NPAT: variants seen among roughly 807,000 people sequenced by gnomAD.
NPAT encodes the protein nuclear protein, coactivator of histone transcription.
A neutral mutation model predicts 130.7 loss-of-function variants in NPAT; 52 were observed. The ratio of observed to expected loss-of-function variants is 0.40; its 90% CI spans 0.32 to 0.50. The LOEUF is 0.50. Ranked by LOEUF, NPAT falls within the 20% of genes least tolerant of loss-of-function variation. The pLI is 0.68. For missense variants in NPAT, 1,687 were observed against 1,662.6 expected, an observed-to-expected ratio of 1.01 and a Z score of -0.26; for synonymous variants, 580 against 584.8, an observed-to-expected ratio of 0.99 and a Z score of 0.12.
intron 1 of NPAT, among the ~76,000 whole-genome samples, chr11:108,198,512 C>G (rs200909444): frequency 6.6e-6 from 1 of 151,708 alleles, no homozygotes; most frequent in South Asian, 2.1e-4. Flanking sequence ...CCCAAGCAGA[C>G]GGGTAGGGTA....
rs1016995375 is a variant in NPAT at position 108,199,068 on chromosome 11, G to A, written c.38-1648C>T. Among the ~76,000 whole-genome samples the A allele has an allele frequency of 9.2e-5, 14 of 152,222 alleles. 1 individual carries two copies. The highest frequency in any genetic ancestry group is 3.9e-4 in the Admixed American group (6 of 15,290). On this transcript the variant is annotated intron_variant, in intron 1 of 17. Transcript: ENST00000278612. Reference sequence around the variant, plus strand: ...GCAGGGTAGAGGGACGGAATGAGCTGTAACACAAACGAGCTGAAACATGCG... The same window carrying A: ...GCAGGGTAGAGGGACGGAATGAGCTATAACACAAACGAGCTGAAACATGCG...
rs753044103 is a variant in NPAT, at chr11:108,192,188, T to A, written c.220A>T (p.Thr74Ser). 19 of 1,596,286 alleles carry A rather than the reference T, an allele frequency of 1.2e-5. No individual in the cohort carries two copies. The highest frequency in any genetic ancestry group is 2.2e-5 in the South Asian group (2 of 90,708). Reference protein sequence around the residue: ...NEYVAMKTKETSNNVPAIMSS... With the variant: ...NEYVAMKTKESSNNVPAIMSS... ...ATTATTGCTGGGACATTATTTGATG[T>A]TTCTAAATCATAGGAGAAAAGGTTC... The change falls in exon 4 of 18, where the codon ACA becomes TCA. Residue 74 changes from threonine to serine, a missense_variant and splice_region_variant. By Grantham distance (58) the Thr-to-Ser change is moderately conservative. Transcript: ENST00000278612.
intron 1 of NPAT, among the ~76,000 whole-genome samples, chr11:108,211,971 A>C (rs1278787317): frequency 6.6e-6 from 1 of 152,126 alleles, no homozygotes; most frequent in African/African-American, 2.4e-5. Flanking sequence ...AAAACAAAAC[A>C]AAACTCTACC....
intron 1 of NPAT, chr11:108,208,351 G>C: frequency 2.6e-6 from 1 of 378,110 alleles, no homozygotes; most frequent in South Asian, 1.8e-5. Flanking sequence ...TCACTTTGGG[G>C]AGGCTGAGGT....
In NPAT at chr11:108,172,060, GCAGCGTAAT is replaced by G. The variant is rs2077956458; in HGVS notation, c.2785+130_2785+138del. The G allele has an allele frequency of 6.8e-6, 5 of 735,994 alleles. No homozygotes were observed. In the East Asian group the frequency reaches 1.3e-4, roughly 19 times the overall value. The allele number at this position is 735,994 out of a possible 1,614,324, so 45.6% of individuals were successfully genotyped here. A position where few individuals can be genotyped will look rare whatever the true frequency, so the allele number is the denominator to read the frequency against. On this transcript the variant is annotated intron_variant, in intron 13 of 17. Transcript: ENST00000278612. ...GGTTTGAATTAGCTAGCATAAAGAA[GCAGCGTAAT>G]CACAAATTTCAGAATCTTTTCTCAT...
At chr11:108,204,566 C>A (rs2078308060) in intron 1 of NPAT, among the ~76,000 whole-genome samples, 1 of 152,014 alleles carries the variant, frequency 6.6e-6, no homozygotes, top group African/African-American at 2.4e-5. Flanking sequence ...ACCTGCCGAA[C>A]CTGCAGAACC....
intron 10 of NPAT, among the ~76,000 whole-genome samples, chr11:108,180,158 C>T (rs1185676089): frequency 5.3e-5 from 8 of 152,058 alleles, no homozygotes; most frequent in African/African-American, 1.9e-4. Flanking sequence ...AAAACCCTGT[C>T]TCTGTGAAAA....
chr11:108,162,541 C>T (rs1421654476), intron 15 of NPAT, among the ~76,000 whole-genome samples: 1 of 152,014 alleles, frequency 6.6e-6, no homozygotes, highest in Non-Finnish European at 1.5e-5. Context: ...AGCAATTCTC[C>T]TGCCTCAGCC....
At chr11:108,167,815 G>A (rs1208059706) in intron 15 of NPAT, among the ~76,000 whole-genome samples, 1 of 152,158 alleles carries the variant, frequency 6.6e-6, no homozygotes, top group Non-Finnish European at 1.5e-5. Flanking sequence ...ATAAAAACAA[G>A]TGTCAGACTG....
chr11:108,197,222 T>C, intron 2 of NPAT, 80 bp downstream of exon 2: 1 of 1,048,452 alleles, frequency 9.5e-7, no homozygotes, highest in East Asian at 2.4e-5. Flanking sequence ...AATTTTTTTT[T>C]TCTGATAAGC....
chr11:108,162,039 T>C, intron 16 of NPAT, 25 bp from the exon 17 acceptor site: 3 of 1,610,290 alleles, frequency 1.9e-6, no homozygotes, highest in African/African-American at 1.3e-5. Flanking sequence ...AACAAAACTA[T>C]TTCTAGCAGC....
intron 10 of NPAT, among the ~76,000 whole-genome samples, chr11:108,180,365 A>G (rs1446821997): frequency 6.6e-6 from 1 of 152,222 alleles, no homozygotes; most frequent in Non-Finnish European, 1.5e-5. Flanking sequence ...AAGAATTCCT[A>G]TAACTCAACA....
chr11:108,219,692 T>C (rs1336401081), intron 1 of NPAT, among the ~76,000 whole-genome samples: 1 of 151,938 alleles, frequency 6.6e-6, no homozygotes, highest in Non-Finnish European at 1.5e-5. Context: ...TGCAGAAAAA[T>C]GTCAATATAG....
chr11:108,206,809 C>A (rs148753515), intron 1 of NPAT, among the ~76,000 whole-genome samples: 1 of 152,294 alleles, frequency 6.6e-6, no homozygotes, highest in Admixed American at 6.5e-5. Context: ...GTGCTCAAGG[C>A]GGAGAGGAGC....
At chr11:108,214,701 C>T (rs1018555904) in intron 1 of NPAT, among the ~76,000 whole-genome samples, 10 of 149,790 alleles carry the variant, frequency 6.7e-5, no homozygotes, top group East Asian at 2.0e-4. Context: ...GATGCAATCT[C>T]GGCTCACTGC....
chr11:108,211,379 CA>C (rs1216908625), intron 1 of NPAT, among the ~76,000 whole-genome samples: 2 of 151,684 alleles, frequency 1.3e-5, no homozygotes, highest in Non-Finnish European at 1.5e-5. Flanking sequence ...GCCATCTCTA[CA>C]AAAAATACAA....
rs984099109 is a variant in NPAT at position 108,194,016 on chromosome 11, G to A, written c.158C>T (p.Ser53Phe). 3.4e-6 allele frequency: 5 copies of A among 1,482,084 alleles called. No individual in the cohort carries two copies. Among genetic ancestry groups the A allele is most frequent in the Non-Finnish European group, 4.7e-6 (5 of 1,062,280 alleles). The allele number at this position is 1,482,084 out of a possible 1,614,324, so 91.8% of individuals were successfully genotyped here. ...TGTTGTCAAGTTTTTTCCAAATAAG[G>A]ACTGAAAAGAAAAAGATCAAATATT... ...DEGFIPACLLSLFGKNLTTIL... is the reference protein window; with the variant it reads ...DEGFIPACLLFLFGKNLTTIL... Residue 53 changes from serine to phenylalanine, a missense_variant and splice_region_variant, in exon 3 of 18, where the codon TCC becomes TTC. By Grantham distance (155) the Ser-to-Phe change is radical. This residue lies in a region of NPAT where 307 missense variants were observed against 298.9 expected (regional missense o/e 1.03). Coordinates refer to ENST00000278612, the MANE Select transcript of NPAT (RefSeq NM_002519.3).
At chr11:108,187,967 G>C in intron 7 of NPAT, 131 bp downstream of exon 7, 5 of 706,636 alleles carry the variant, frequency 7.1e-6, no homozygotes, top group Non-Finnish European at 1.2e-5. Flanking sequence ...ATGTATTTTG[G>C]AATAGTTCTA....
In NPAT at chr11:108,161,975, C is replaced by G; in HGVS notation, c.3111G>C (p.Gly1037=). 6.2e-7 allele frequency: 1 copy of G among 1,603,086 alleles called. No homozygotes were observed. The highest frequency in any genetic ancestry group is 8.5e-7 in the Non-Finnish European group (1 of 1,175,714). ...VSDKSIATDL[G]KKSEETTVPF... ...GAACTGTGGTTTCTTCTGATTTTTT[C>G]CCAAGATCTGTGGCAATACTTTTGT... The change falls in exon 17 of 18, where the codon GGG becomes GGC. Residue 1037 remains glycine, a synonymous_variant. Coordinates refer to ENST00000278612, the MANE Select transcript of NPAT (RefSeq NM_002519.3).
Sources: allele counts gnomAD v4.1 joint callset (sites outside exome capture counted in the v4.1 genomes callset), GRCh38; gene constraint gnomAD v4.1.1; regional missense constraint gnomAD v4.1.1; transcripts MANE v1.5; gene names NCBI Gene and HGNC (gene_info 2026-07-23, HGNC 2026-07-21).